The following CFAP54 variants were observed in gnomAD, a reference collection of about 807,000 sequenced individuals.
CFAP54 encodes cilia- and flagella-associated protein 54.
A neutral mutation model predicts 370.4 loss-of-function variants in CFAP54; 290 were observed. The ratio of observed to expected loss-of-function variants is 0.78; its 90% CI spans 0.71 to 0.86. The LOEUF is 0.86. Among genes scored for constraint, CFAP54 ranks in the 40% least tolerant of loss-of-function variants. The pLI, the probability that CFAP54 is intolerant of heterozygous loss-of-function variation, is 0.00. For missense variants in CFAP54, 3,399 were observed against 3,528.7 expected, an observed-to-expected ratio of 0.96 and a Z score of 0.93; for synonymous variants, 1,206 against 1,236.5, an observed-to-expected ratio of 0.98 and a Z score of 0.52.
At chr12:96,769,909 T>C (rs1411618440) in intron 60 of CFAP54, among the ~76,000 whole-genome samples, 2 of 152,204 alleles carry the variant, frequency 1.3e-5, no homozygotes. Context: ...TTAATGTATG[T>C]TTTGCCTCTT....
Position 96,768,313 on chromosome 12 carries a change from T to A in CFAP54, c.8281+3095T>A, listed in dbSNP as rs150052722. Reference sequence around the variant, plus strand: ...TCCAGCCTCAGTGACAAAGTGAGACTCTGTCTCAAAAAATAAAATAGAAAA... The same window carrying A: ...TCCAGCCTCAGTGACAAAGTGAGACACTGTCTCAAAAAATAAAATAGAAAA... On this transcript the variant is annotated intron_variant, in intron 60 of 67. Transcript: ENST00000524981. 4.2e-3 allele frequency among the ~76,000 whole-genome samples: 636 copies of A among 151,792 alleles called. 7 individuals are homozygous for A. Among genetic ancestry groups the A allele is most frequent in the South Asian group, 0.035 (167 of 4,790 alleles).
At chr12:96,520,730 G>T (rs947959186) in intron 6 of CFAP54, among the ~76,000 whole-genome samples, 2 of 152,206 alleles carry the variant, frequency 1.3e-5, no homozygotes, top group African/African-American at 2.4e-5. Flanking sequence ...GGTATGTGGG[G>T]CGTAAGCTGG....
intron 66 of CFAP54, among the ~76,000 whole-genome samples, chr12:96,854,851 AG>A (rs1959656141): frequency 6.6e-6 from 1 of 152,216 alleles, no homozygotes; most frequent in Non-Finnish European, 1.5e-5. Flanking sequence ...TTTGTTACAT[AG>A]GTAAACTCAT....
In CFAP54 at chr12:96,533,932, T is replaced by C; in HGVS notation, c.1498T>C (p.Leu500=). 1 of 1,532,362 alleles carries C rather than the reference T, an allele frequency of 6.5e-7. No homozygotes were observed. The highest frequency in any genetic ancestry group is 1.2e-5 in the South Asian group (1 of 82,652). 94.9% of individuals were successfully genotyped at this position (1,532,362 alleles called of 1,614,324 possible). Residue 500 remains leucine, a synonymous_variant, in exon 10 of 68, where the codon TTA becomes CTA. Coordinates refer to ENST00000524981, the MANE Select transcript of CFAP54 (RefSeq NM_001306084.2). ...AGCTTTTACCTATGAGGAGTGGAGT[T>C]TATTTGAATCTTCTGCTGTACATCT... ...KLAFTYEEWS[L]FESSAVHLIY... is the part of the protein sequence containing the mutation.
chr12:96,564,280 G>T (rs915469509), intron 17 of CFAP54, among the ~76,000 whole-genome samples, 188 bp from the exon 18 acceptor site: 2 of 152,122 alleles, frequency 1.3e-5, no homozygotes, highest in African/African-American at 2.4e-5. Flanking sequence ...GAGGTATACT[G>T]TGGCAAATAA....
intron 66 of CFAP54, among the ~76,000 whole-genome samples, chr12:96,833,352 T>G (rs1959176400): frequency 6.6e-6 from 1 of 152,236 alleles, no homozygotes; most frequent in African/African-American, 2.4e-5. Context: ...CTGTCAGTAA[T>G]TATTGACCAC....
At chr12:96,565,543 A>G (rs1955858348) in intron 19 of CFAP54, among the ~76,000 whole-genome samples, 1 of 152,184 alleles carries the variant, frequency 6.6e-6, no homozygotes, top group Non-Finnish European at 1.5e-5. Flanking sequence ...GGGGATATGG[A>G]GCTAAAGGGG....
intron 26 of CFAP54, among the ~76,000 whole-genome samples, chr12:96,598,980 T>G (rs929370173): frequency 6.6e-6 from 1 of 151,942 alleles, no homozygotes; most frequent in African/African-American, 2.4e-5. Context: ...TAAAACTTGA[T>G]GTTATTGAAA....
At chr12:96,516,098 G>A (rs980585267) in intron 5 of CFAP54, among the ~76,000 whole-genome samples, 1 of 151,806 alleles carries the variant, frequency 6.6e-6, no homozygotes, top group Admixed American at 6.6e-5. Flanking sequence ...TGTATTTTTA[G>A]TAGAGACAGG....
chr12:96,535,014 G>A (rs1268822938), intron 11 of CFAP54, among the ~76,000 whole-genome samples: 1 of 104,462 alleles, frequency 9.6e-6, no homozygotes, highest in African/African-American at 4.1e-5. Context: ...TTTTCTGTGT[G>A]TGTGTGTGTG....
chr12:96,584,180 T>A (rs1370409561), intron 22 of CFAP54, among the ~76,000 whole-genome samples: 1 of 148,332 alleles, frequency 6.7e-6, no homozygotes, highest in Non-Finnish European at 1.5e-5. Context: ...AAAAAAAAAA[T>A]AGGCCCAGTG....
At chr12:96,839,214 CTGTT>C (rs1361567391) in intron 66 of CFAP54, among the ~76,000 whole-genome samples, 3 of 152,138 alleles carry the variant, frequency 2.0e-5, no homozygotes, top group Non-Finnish European at 4.4e-5. Flanking sequence ...TTTGATCTCT[CTGTT>C]TGTAAAATAA....
At chr12:96,821,327 AG>A (rs1182833695) in intron 65 of CFAP54, among the ~76,000 whole-genome samples, 1 of 152,138 alleles carries the variant, frequency 6.6e-6, no homozygotes, top group African/African-American at 2.4e-5. Flanking sequence ...AGATAAGTGG[AG>A]GGAGGAATTT....
intron 49 of CFAP54, 23 bp from the exon 50 acceptor site, chr12:96,720,382 G>A (rs767833711): frequency 7.9e-6 from 11 of 1,398,988 alleles, no homozygotes; most frequent in African/African-American, 1.5e-5. Context: ...GAACTCACGT[G>A]ATGTATGGTA....
chr12:96,656,883 T>C (rs566113716), intron 36 of CFAP54, among the ~76,000 whole-genome samples: 1 of 152,224 alleles, frequency 6.6e-6, no homozygotes. Context: ...TAAAAGTATG[T>C]CCCATGTGCT....
chr12:96,604,065 C>T (rs1007726763), intron 26 of CFAP54, among the ~76,000 whole-genome samples: 21 of 152,314 alleles, frequency 1.4e-4, no homozygotes, highest in African/African-American at 5.1e-4. Flanking sequence ...AGCCCTTCTG[C>T]TCTGGTTTCT....
chr12:96,635,826 G>T (rs1191782709), intron 32 of CFAP54, among the ~76,000 whole-genome samples: 1 of 152,168 alleles, frequency 6.6e-6, no homozygotes, highest in Non-Finnish European at 1.5e-5. Flanking sequence ...GCATCAGAAG[G>T]TACATACCAA....
At chr12:96,602,519 TTC>T (rs1308418114) in intron 26 of CFAP54, among the ~76,000 whole-genome samples, 1 of 152,144 alleles carries the variant, frequency 6.6e-6, no homozygotes, top group African/African-American at 2.4e-5. Context: ...CTTGTTAATT[TTC>T]TCTCTCATTG....
chr12:96,774,431 C>A (rs943654359), intron 60 of CFAP54, among the ~76,000 whole-genome samples: 1 of 152,054 alleles, frequency 6.6e-6, no homozygotes, highest in African/African-American at 2.4e-5. Flanking sequence ...GTGTGACAAG[C>A]GGATATAAAT....
Sources: gnomAD v4.1 joint callset for allele counts (sites outside exome capture counted in the v4.1 genomes callset) on GRCh38, gnomAD v4.1.1 for gene constraint, MANE v1.5 for transcripts, NCBI Gene and HGNC (gene_info 2026-07-23, HGNC 2026-07-21) for gene names.